The following MYRIP variants were observed in gnomAD, a reference collection of about 807,000 sequenced individuals.
The protein encoded by MYRIP is rab effector MyRIP.
MYRIP carries 49 observed loss-of-function variants against 98.0 expected under a neutral mutation model. The ratio of observed to expected loss-of-function variants is 0.50; its 90% CI spans 0.40 to 0.63. MYRIP has a LOEUF of 0.63. MYRIP is among the 30% of genes least tolerant of loss of function. The pLI, the probability that MYRIP is intolerant of heterozygous loss-of-function variation, is 0.00. For missense variants in MYRIP, 1,004 were observed against 1,058.2 expected (o/e 0.95, Z 0.71); for synonymous variants, 404 against 409.5 (o/e 0.99, Z 0.16).
chr3:40,202,910 T>TTACTTAC (rs1559450257), intron 10 of MYRIP, among the ~76,000 whole-genome samples: 336 of 14,618 alleles, frequency 0.023, no homozygotes, highest in African/African-American at 0.049. Flanking sequence ...CATTTACTTA[T>TTACTTAC]TTATTTATTT....
At chr3:39,856,302 T>C (rs1942293244) in intron 1 of MYRIP, among the ~76,000 whole-genome samples, 2 of 151,914 alleles carry the variant, frequency 1.3e-5, no homozygotes, top group South Asian at 4.1e-4. Context: ...CTCTACATGC[T>C]GCTCTGTTCA....
intron 2 of MYRIP, among the ~76,000 whole-genome samples, chr3:39,986,732 G>A (rs771919822): frequency 6.6e-6 from 1 of 152,268 alleles, no homozygotes; most frequent in South Asian, 2.1e-4. Flanking sequence ...CCGTGGGTAG[G>A]GGGTGGAGTG....
rs549142101 is a variant in MYRIP, at chr3:40,006,485, TA to T, written c.111-37564del. Among the ~76,000 whole-genome samples, 124 of 152,262 alleles carry T rather than the reference TA, an allele frequency of 8.1e-4. 1 individual carries two copies. Among genetic ancestry groups the T allele is most frequent in the Admixed American group, 2.3e-3 (35 of 15,290 alleles). On this transcript the variant is annotated intron_variant, in intron 2 of 16. Transcript: ENST00000302541. ...TGATGGATTCCAGATATGTTATATTTAGGGGCTAGAATATGTAGACCTGGAT... is the reference window on the plus strand; with the variant it reads ...TGATGGATTCCAGATATGTTATATTTGGGGCTAGAATATGTAGACCTGGAT...
intron 3 of MYRIP, among the ~76,000 whole-genome samples, chr3:40,116,780 T>C (rs1949291813): frequency 6.6e-6 from 1 of 152,204 alleles, no homozygotes; most frequent in African/African-American, 2.4e-5. Context: ...ACAAAAACGG[T>C]TTGGGGTGTA....
chr3:40,044,321 T>C (rs563541693), intron 3 of MYRIP, 50 bp downstream of exon 3: 42 of 1,547,008 alleles, frequency 2.7e-5, no homozygotes, highest in Admixed American at 1.9e-4. Flanking sequence ...TTAGAGAGAT[T>C]CACCTGCCAC....
intron 1 of MYRIP, among the ~76,000 whole-genome samples, chr3:39,880,884 C>A (rs1943141658): frequency 6.6e-6 from 1 of 152,114 alleles, no homozygotes; most frequent in African/African-American, 2.4e-5. Context: ...ATTAGCATTT[C>A]TCAGTTTGAG....
chr3:40,058,502 C>T (rs1200576800), intron 3 of MYRIP, among the ~76,000 whole-genome samples: 1 of 152,080 alleles, frequency 6.6e-6, no homozygotes, highest in Non-Finnish European at 1.5e-5. Context: ...CATTTTTTAA[C>T]TTGACTACAT....
intron 1 of MYRIP, among the ~76,000 whole-genome samples, chr3:39,823,450 C>A (rs1388194916): frequency 1.3e-5 from 2 of 152,152 alleles, no homozygotes; most frequent in Middle Eastern, 3.2e-3. Flanking sequence ...TAGTGGCTGT[C>A]CTATTTTACA....
intron 2 of MYRIP, among the ~76,000 whole-genome samples, chr3:40,007,158 A>C (rs910784959): frequency 6.6e-6 from 1 of 152,228 alleles, no homozygotes; most frequent in African/African-American, 2.4e-5. Flanking sequence ...TCACTTGAAG[A>C]CAGAGGCAGC....
At chr3:40,205,259 T>G (rs1951760389) in intron 10 of MYRIP, among the ~76,000 whole-genome samples, 1 of 152,186 alleles carries the variant, frequency 6.6e-6, no homozygotes, top group Non-Finnish European at 1.5e-5. Flanking sequence ...GATTCATCTC[T>G]AGAAACCCTC....
chr3:39,889,256 A>G (rs1486899016), intron 1 of MYRIP, among the ~76,000 whole-genome samples: 1 of 152,238 alleles, frequency 6.6e-6, no homozygotes, highest in East Asian at 1.9e-4. Context: ...ATTATTCACA[A>G]TAGCAAAGAC....
At chr3:40,079,303 A>T (rs1948424428) in intron 3 of MYRIP, among the ~76,000 whole-genome samples, 1 of 152,178 alleles carries the variant, frequency 6.6e-6, no homozygotes, top group South Asian at 2.1e-4. Context: ...GTATCTTAAT[A>T]GTTAGGTGGC....
intron 2 of MYRIP, among the ~76,000 whole-genome samples, chr3:40,043,370 C>T (rs1947590108): frequency 6.6e-6 from 1 of 151,944 alleles, no homozygotes; most frequent in South Asian, 2.1e-4. Flanking sequence ...CCAGGTTACT[C>T]AACCTGTTGG....
intron 2 of MYRIP, among the ~76,000 whole-genome samples, chr3:39,993,338 C>T (rs1946227648): frequency 6.6e-6 from 1 of 152,174 alleles, no homozygotes; most frequent in Non-Finnish European, 1.5e-5. Flanking sequence ...CCAGCACATA[C>T]TTTTTGGGGA....
At position 39,876,434 on chromosome 3, in the gene MYRIP, C is replaced by T. The variant is rs913522479; in HGVS notation, c.-30-24353C>T. Among the ~76,000 whole-genome samples the T allele has an allele frequency of 7.2e-5, 11 of 152,132 alleles. No homozygotes were observed. The South Asian group carries it at 1.0e-3, about 14-fold the overall frequency. ...ATTCGTTCATGCAGTTTCTTCCTAGCCTCGATGGTCTTTACATTTTGGCAT... is the reference window on the plus strand; with the variant it reads ...ATTCGTTCATGCAGTTTCTTCCTAGTCTCGATGGTCTTTACATTTTGGCAT... On this transcript the variant is annotated intron_variant, in intron 1 of 16. Coordinates refer to ENST00000302541, the MANE Select transcript of MYRIP (RefSeq NM_015460.4).
intron 3 of MYRIP, among the ~76,000 whole-genome samples, chr3:40,124,729 G>A (rs568062817): frequency 9.2e-5 from 14 of 152,196 alleles, no homozygotes; most frequent in Non-Finnish European, 1.6e-4. Context: ...ATCCAGAGAG[G>A]GTGAGTGCCC....
At chr3:39,953,567 C>T (rs1945080647) in intron 2 of MYRIP, among the ~76,000 whole-genome samples, 1 of 152,050 alleles carries the variant, frequency 6.6e-6, no homozygotes, top group Admixed American at 6.6e-5. Context: ...AGGGTGGTTC[C>T]AAGATGGCCA....
intron 3 of MYRIP, among the ~76,000 whole-genome samples, chr3:40,116,666 G>A (rs993646009): frequency 2.0e-5 from 3 of 152,152 alleles, no homozygotes; most frequent in East Asian, 1.9e-4. Context: ...TTTAGAACAC[G>A]GCGTCCTTTG....
At chr3:40,225,874 T>G (rs1453803425) in intron 11 of MYRIP, among the ~76,000 whole-genome samples, 3 of 152,188 alleles carry the variant, frequency 2.0e-5, no homozygotes, top group African/African-American at 7.2e-5. Context: ...CTTTCACCTC[T>G]CCCTGTAATT....
Sources: gnomAD v4.1 joint callset for allele counts (sites outside exome capture counted in the v4.1 genomes callset) on GRCh38, gnomAD v4.1.1 for gene constraint, MANE v1.5 for transcripts, NCBI Gene and HGNC (gene_info 2026-07-23, HGNC 2026-07-21) for gene names.